PFAS: variants seen among roughly 807,000 people sequenced by gnomAD.
The protein encoded by PFAS is FGAM synthase.
Under a neutral mutation model 140.6 loss-of-function variants are expected in PFAS, and 97 were observed. The ratio of observed to expected loss-of-function variants is 0.69; its 90% CI spans 0.59 to 0.82. PFAS has a LOEUF of 0.82. Ranked by LOEUF, PFAS falls within the 40% of genes least tolerant of loss-of-function variation. The pLI, the probability that PFAS is intolerant of heterozygous loss-of-function variation, is 0.00. For missense variants in PFAS, 1,656 were observed against 1,780.2 expected (o/e 0.93, Z 1.26); for synonymous variants, 679 against 718.8 (o/e 0.94, Z 0.88).
At position 8,267,064 on chromosome 17, in the gene PFAS, G is replaced by C; in HGVS notation, c.3004G>C (p.Glu1002Gln). ...AGTGAACGGGGCTGTGGTTCTGGAG[G>C]AGCCTGTTGGGGAGCTGCGAGCCCT... ...VSVNGAVVLE[E>Q]PVGELRALWE... The change falls in exon 24 of 28, where the codon GAG becomes CAG. Residue 1002 changes from glutamate (E) to glutamine (Q), a missense_variant. Transcript: ENST00000314666. The surrounding 1 kb of genome is among the most constrained non-coding windows in gnomAD (Gnocchi z 4.9). 6.2e-7 allele frequency: 1 copy of C among 1,614,040 alleles called. No homozygotes were observed. The highest frequency in any genetic ancestry group is 1.1e-5 in the South Asian group (1 of 91,072).
At chr17:8,254,371 T>A in intron 3 of PFAS, 70 bp downstream of exon 3, 1 of 1,572,950 alleles carries the variant, frequency 6.4e-7, no homozygotes, top group Non-Finnish European at 8.7e-7. Context: ...CTTGGGAGAT[T>A]TGCTTTTCCT....
At position 8,266,743 on chromosome 17, in the gene PFAS, G is replaced by T. The variant is rs369118146; in HGVS notation, c.2822-10G>T. On this transcript the variant is annotated splice_polypyrimidine_tract_variant and intron_variant, in intron 22 of 27. Transcript: ENST00000314666. This position sits in a 1 kb window ranked among gnomAD's most constrained non-coding sequence, Gnocchi z 5.0. ...TTGCATCCCCCTGACTCCCCACATT[G>T]CTCTCCCAGTCCTGTCTGTGCTGTT... The T allele has an allele frequency of 4.3e-5, 69 of 1,589,814 alleles. No homozygotes were observed. Among genetic ancestry groups the T allele is most frequent in the Non-Finnish European group, 5.9e-5 (69 of 1,169,800 alleles).
chr17:8,262,521 G>C (rs1989632254), intron 11 of PFAS: 1 of 198,266 alleles, frequency 5.0e-6, no homozygotes, highest in Admixed American at 5.3e-5. Flanking sequence ...GGGCTAGGCA[G>C]GGTGGCTCAC....
In PFAS at chr17:8,256,595, A is replaced by G; in HGVS notation, c.893A>G (p.Gln298Arg). The change falls in exon 8 of 28, where the codon CAG becomes CGG. Residue 298 changes from glutamine to arginine, a missense_variant. Coordinates refer to ENST00000314666, the MANE Select transcript of PFAS (RefSeq NM_012393.3). ...ACACGGCCAAGCCGCTTCCAGCAAC[A>G]GCAAGGGCTGAGACATGTTGTCTTC... ...DPTRPSRFQQQQGLRHVVFTA... is the reference protein window; with the variant it reads ...DPTRPSRFQQRQGLRHVVFTA... 1 of 1,614,210 alleles carries G rather than the reference A, an allele frequency of 6.2e-7. No individual in the cohort carries two copies. Among genetic ancestry groups the G allele is most frequent in the Non-Finnish European group, 8.5e-7 (1 of 1,180,036 alleles).
Position 8,264,610 on chromosome 17 carries a change from T to C in PFAS, c.2049+9T>C. 1.9e-6 allele frequency: 3 copies of C among 1,597,212 alleles called. No homozygotes were observed. The highest frequency in any genetic ancestry group is 2.6e-6 in the Non-Finnish European group (3 of 1,171,924). On this transcript the variant is annotated intron_variant, in intron 17 of 27. Transcript: ENST00000314666. ...GCTACCTCACCAATAAGGTCCTCCC[T>C]GCACCCTTCCTCTGCCCCCTGCCTC...
intron 11 of PFAS, among the ~76,000 whole-genome samples, chr17:8,259,229 AATTATT>A (rs1229903247): frequency 1.5e-4 from 22 of 150,066 alleles, no homozygotes. Flanking sequence ...CTTTTTTGTT[AATTATT>A]ATTATTTTTA....
At chr17:8,257,284 T>A (rs4792687) in intron 9 of PFAS, among the ~76,000 whole-genome samples, 1 of 151,996 alleles carries the variant, frequency 6.6e-6, no homozygotes, top group East Asian at 1.9e-4. Context: ...TGGCTGGGCG[T>A]GGTGGCTCAC....
rs781233131 is a variant in PFAS at position 8,264,925 on chromosome 17, C to T, written c.2080C>T (p.Gln694Ter). 22 of 1,599,330 alleles carry T rather than the reference C, an allele frequency of 1.4e-5. No homozygotes were observed. The highest frequency in any genetic ancestry group is 3.4e-5 in the Admixed American group (2 of 58,690). Residue 694 changes from glutamine (Q) to a stop codon, truncating the protein, a stop_gained, in exon 18 of 28, where the codon CAG (glutamine) becomes TAG (stop). Transcript: ENST00000314666. LOFTEE classifies it high-confidence loss of function. ...CCGCTCTGTGGGAGGCCTGGTGGCC[C>T]AGCAGCAGTGCGTGGGGCCCCTGCA... ...VDRSVGGLVA[Q>*]QQCVGPLQTP...
At position 8,266,328 on chromosome 17, in the gene PFAS, G is replaced by A; in HGVS notation, c.2796G>A (p.Val932=). The change falls in exon 22 of 28, where the codon GTG becomes GTA. Residue 932 remains valine, a synonymous_variant. Coordinates refer to ENST00000314666, the MANE Select transcript of PFAS (RefSeq NM_012393.3). The surrounding 1 kb of genome is among the most constrained non-coding windows in gnomAD (Gnocchi z 5.0). ...MAFAGNCGLQ[V]DVPVPRVDVL... ...TTGCTGGAAATTGCGGGCTACAGGTGGATGTGCCTGTCCCCAGGGTTGATG... is the reference window on the plus strand; with the variant it reads ...TTGCTGGAAATTGCGGGCTACAGGTAGATGTGCCTGTCCCCAGGGTTGATG... 6.2e-7 allele frequency: 1 copy of A among 1,614,078 alleles called. No homozygotes were observed. Among genetic ancestry groups the A allele is most frequent in the Admixed American group, 1.7e-5 (1 of 60,014 alleles).
intron 1 of PFAS, among the ~76,000 whole-genome samples, chr17:8,252,865 A>G (rs1989213405): frequency 6.6e-6 from 1 of 151,892 alleles, no homozygotes; most frequent in Non-Finnish European, 1.5e-5. Context: ...CAATCCTCCC[A>G]CCTCAGCCTC....
chr17:8,258,337 A>G, intron 11 of PFAS, 138 bp downstream of exon 11: 2 of 938,302 alleles, frequency 2.1e-6, no homozygotes, highest in South Asian at 1.6e-5. Context: ...ATAATGATGG[A>G]CAACTCATTC....
intron 7 of PFAS, 37 bp downstream of exon 7, chr17:8,256,444 G>C (rs1258545443): frequency 1.2e-6 from 2 of 1,613,860 alleles, no homozygotes; most frequent in Non-Finnish European, 1.7e-6. Context: ...TCAGGACCCG[G>C]GGAGGGGAGG....
chr17:8,268,615 G>A lies in PFAS; in HGVS notation c.3465G>A (p.Leu1155=), dbSNP rs374300380. 6.2e-7 allele frequency: 1 copy of A among 1,613,682 alleles called. No homozygotes were observed. Among genetic ancestry groups the A allele is most frequent in the Non-Finnish European group, 8.5e-7 (1 of 1,179,998 alleles). The change falls in exon 27 of 28, where the codon CTG becomes CTA. Residue 1155 remains leucine (L), a synonymous_variant. Coordinates refer to ENST00000314666, the MANE Select transcript of PFAS (RefSeq NM_012393.3). ...RFRKRPDTFS[L]GVCNGCQLLA... ...GGAAGCGGCCAGACACCTTCAGCCT[G>A]GGCGTGTGTAATGGCTGTCAACTGC...
rs769084818 is a variant in PFAS at position 8,266,237 on chromosome 17, G to T, written c.2705G>T (p.Arg902Leu). Residue 902 changes from arginine to leucine, a missense_variant, in exon 22 of 28, where the codon CGC becomes CTC. By Grantham distance (102) the Arg-to-Leu change is moderately radical. This residue lies in a region of PFAS where 883 missense variants were observed against 1,023.0 expected (regional missense o/e 0.86). Coordinates refer to ENST00000314666, the MANE Select transcript of PFAS (RefSeq NM_012393.3). This position sits in a 1 kb window ranked among gnomAD's most constrained non-coding sequence, Gnocchi z 5.0. ...AGCTTTCTTCTCCTTCCTCCAGACC[G>T]CCTCCTCTGCTCAGGCCACGATGTC... ...FSITQGLLKD[R>L]LLCSGHDVSD... 1 of 1,613,910 alleles carries T rather than the reference G, an allele frequency of 6.2e-7. No homozygotes were observed. The highest frequency in any genetic ancestry group is 8.5e-7 in the Non-Finnish European group (1 of 1,179,908).
upstream of PFAS, chr17:8,247,921 G>A (rs1988901828): frequency 2.8e-6 from 4 of 1,450,014 alleles, no homozygotes; most frequent in Non-Finnish European, 3.8e-6. Context: ...AGCCCAGAGA[G>A]ACAAGGCAGA....
chr17:8,258,187 G>A lies in PFAS; in HGVS notation c.1324G>A (p.Ala442Thr). Residue 442 changes from alanine (A) to threonine (T), a missense_variant, in exon 11 of 28, where the codon GCC (alanine) becomes ACC (threonine). Transcript: ENST00000314666. ...SMEADHISKE[A>T]PEPGMEVVKV... ...GGAAGCTGACCACATAAGCAAGGAG[G>A]CCCCAGAGCCAGGTAAGAGCCTGCC... 2 of 1,613,974 alleles carry A rather than the reference G, an allele frequency of 1.2e-6. No individual in the cohort carries two copies. The highest frequency in any genetic ancestry group is 1.1e-5 in the South Asian group (1 of 91,078).
chr17:8,268,408 A>AGGAG, intron 26 of PFAS, 125 bp from the exon 27 acceptor site: 2 of 647,476 alleles, frequency 3.1e-6, no homozygotes, highest in South Asian at 4.1e-5. Context: ...AAAGGAAGGA[A>AGGAG]GGAGGGAGGG....
intron 1 of PFAS, among the ~76,000 whole-genome samples, chr17:8,252,842 G>C (rs998291668): frequency 1.3e-5 from 2 of 151,920 alleles, no homozygotes; most frequent in Non-Finnish European, 2.9e-5. Flanking sequence ...GGTTGGTCTC[G>C]AACGCCTGTG....
At chr17:8,265,527 A>G (rs1408843988) in intron 19 of PFAS, 29 bp from the exon 20 acceptor site, 7 of 1,610,070 alleles carry the variant, frequency 4.3e-6, no homozygotes, top group African/African-American at 1.3e-5. Flanking sequence ...TTGGCAACTC[A>G]TTCCTTTGGA....
Sources: allele counts gnomAD v4.1 joint callset (sites outside exome capture counted in the v4.1 genomes callset), GRCh38; gene constraint gnomAD v4.1.1; regional missense constraint gnomAD v4.1.1; non-coding constraint Gnocchi (gnomAD v3.1); transcripts MANE v1.5; gene names NCBI Gene and HGNC (gene_info 2026-07-23, HGNC 2026-07-21).